The following CHSY1 variants were observed in gnomAD, a reference collection of about 807,000 sequenced individuals.
CHSY1 encodes N-acetylgalactosaminyl-proteoglycan 3-beta-glucuronosyltransferase 1.
Under a neutral mutation model 59.8 loss-of-function variants are expected in CHSY1, and 13 were observed. That is an observed-to-expected ratio of 0.22 (90% confidence interval 0.14 to 0.35). The LOEUF (loss-of-function observed/expected upper bound fraction) is 0.35. CHSY1 is among the 10% of genes least tolerant of loss of function. CHSY1 has a pLI of 1.00. For synonymous variants in CHSY1, 459 were observed against 401.2 expected, an observed-to-expected ratio of 1.14 and a Z score of -1.72; for missense variants, 947 against 1,030.6, an observed-to-expected ratio of 0.92 and a Z score of 1.11.
Position 101,177,737 on chromosome 15 carries a change from A to C in CHSY1, c.2060T>G (p.Phe687Cys), listed in dbSNP as rs767851737. The C allele has an allele frequency of 1.2e-6, 2 of 1,614,216 alleles. No individual in the cohort carries two copies. Among genetic ancestry groups the C allele is most frequent in the South Asian group, 2.2e-5 (2 of 91,088 alleles). Residue 687 changes from phenylalanine to cysteine, a missense_variant, in exon 3 of 3, where the codon TTC becomes TGC. By Grantham distance (205) the Phe-to-Cys change is radical. Around this residue, in one of 4 missense-constraint regions of CHSY1, gnomAD observed 602 missense variants for 676.9 expected, o/e 0.89. Coordinates refer to ENST00000254190, the MANE Select transcript of CHSY1 (RefSeq NM_014918.5). ...NHFAFTQKTG[F>C]WRNYGFGITC... The stretch of plus-strand genomic sequence containing the variant: ...GATGCCAAACCCATAGTTTCTCCAG[A>C]AGCCAGTTTTCTGAGTAAAGGCAAA...
chr15:101,217,861 G>C (rs1023364371), intron 2 of CHSY1, among the ~76,000 whole-genome samples: 1 of 152,186 alleles, frequency 6.6e-6, no homozygotes, highest in East Asian at 1.9e-4. Flanking sequence ...CTGCATATTA[G>C]TGACCTTCTC....
chr15:101,251,256 CCCGCGCGCATCG>C lies in CHSY1; in HGVS notation c.189_200del (p.Asp64_Gly67del). On this transcript the variant is annotated inframe_deletion, in exon 1 of 3. Transcript: ENST00000254190. ...CCGAGCCGGGCGGCCAGAGCTGCGC[CCCGCGCGCATCG>C]CCGCGCGCCCCGCCGGCCTGGGAAG... 1 of 1,403,210 alleles carries C rather than the reference CCCGCGCGCATCG, an allele frequency of 7.1e-7. No individual in the cohort carries two copies. The highest frequency in any genetic ancestry group is 1.5e-5 in the African/African-American group (1 of 67,052). 86.9% of individuals were successfully genotyped at this position (1,403,210 alleles called of 1,614,324 possible).
chr15:101,225,526 C>G (rs557409758), intron 2 of CHSY1, among the ~76,000 whole-genome samples: 16 of 152,236 alleles, frequency 1.1e-4, no homozygotes, highest in Admixed American at 4.6e-4. Context: ...GGGTGGATCC[C>G]TCATGAATGG....
At chr15:101,187,103 T>C (rs1021768604) in intron 2 of CHSY1, among the ~76,000 whole-genome samples, 1 of 152,336 alleles carries the variant, frequency 6.6e-6, no homozygotes. Flanking sequence ...CTCCAACTCC[T>C]CTATAAAATT....
At chr15:101,186,148 A>G (rs2038360297) in intron 2 of CHSY1, among the ~76,000 whole-genome samples, 1 of 99,770 alleles carries the variant, frequency 1.0e-5, no homozygotes, top group African/African-American at 4.9e-5. Flanking sequence ...TGTCTCTACC[A>G]AAAAAAAAAA....
intron 2 of CHSY1, among the ~76,000 whole-genome samples, chr15:101,217,412 G>C (rs2038745307): frequency 6.6e-6 from 1 of 152,184 alleles, no homozygotes; most frequent in African/African-American, 2.4e-5. Context: ...GTCATCTGAG[G>C]GGGCCAAGCA....
intron 1 of CHSY1, among the ~76,000 whole-genome samples, chr15:101,239,188 C>T (rs547158008): frequency 3.9e-5 from 6 of 152,214 alleles, no homozygotes; most frequent in Non-Finnish European, 4.4e-5. Flanking sequence ...ATAGAGGTCA[C>T]TAAATGTGTG....
Position 101,176,086 on chromosome 15 carries a change from G to C in CHSY1, c.*1302C>G, listed in dbSNP as rs1245331888. 2.5e-6 allele frequency: 1 copy of C among 395,554 alleles called. No homozygotes were observed. The highest frequency in any genetic ancestry group is 4.4e-6 in the Non-Finnish European group (1 of 224,780). The allele number at this position is 395,554 out of a possible 1,614,324, so 24.5% of individuals were successfully genotyped here. A position where few individuals can be genotyped will look rare whatever the true frequency, so the allele number is the denominator to read the frequency against. ...AACAGTAAGGAATATAAAAATTAAG[G>C]AGGGGAAAAAGCGTTTCCAAAAGGA... On this transcript the variant is annotated 3_prime_UTR_variant, in exon 3 of 3. Coordinates refer to ENST00000254190, the MANE Select transcript of CHSY1 (RefSeq NM_014918.5).
Position 101,239,905 on chromosome 15 carries a change from C to G in CHSY1, c.321-4328G>C, listed in dbSNP as rs1735543795. Among the ~76,000 whole-genome samples the G allele has an allele frequency of 1.3e-5, 2 of 152,186 alleles. 1 individual carries two copies. The highest frequency in any genetic ancestry group is 4.1e-4 in the South Asian group (2 of 4,832). On this transcript the variant is annotated intron_variant, in intron 1 of 2. Transcript: ENST00000254190. The stretch of plus-strand genomic sequence containing the variant: ...TTCCCGTGTACCCCACCAGGAAGAA[C>G]ACAGTGAAAGAGGCCCCAGCAGTAC...
In CHSY1 at chr15:101,213,867, T is replaced by G. The variant is rs535900472; in HGVS notation, c.816+21215A>C. Among the ~76,000 whole-genome samples, 204 of 152,364 alleles carry G rather than the reference T, an allele frequency of 1.3e-3. 1 individual carries two copies. Among genetic ancestry groups the G allele is most frequent in the African/African-American group, 4.8e-3 (199 of 41,578 alleles). On this transcript the variant is annotated intron_variant, in intron 2 of 2. Transcript: ENST00000254190. ...GACTCGGTGTTTAAGTCTTACTCAA[T>G]CATACCTGAAAAATCACGAGGCTTT... is the stretch of plus-strand genomic sequence containing the variant.
In CHSY1 at chr15:101,214,621, G is replaced by A. The variant is rs556143094; in HGVS notation, c.816+20461C>T. Among the ~76,000 whole-genome samples the A allele has an allele frequency of 1.2e-3, 189 of 152,204 alleles. 2 individuals carry two copies. Among genetic ancestry groups the A allele is most frequent in the African/African-American group, 4.2e-3 (176 of 41,518 alleles). On this transcript the variant is annotated intron_variant, in intron 2 of 2. Transcript: ENST00000254190. ...TCCCTATGTTGGAGGGGGACCTGGTGGGAGGTGGCTGGATCATGGAGGTGG... is the reference window on the plus strand; with the variant it reads ...TCCCTATGTTGGAGGGGGACCTGGTAGGAGGTGGCTGGATCATGGAGGTGG...
intron 2 of CHSY1, among the ~76,000 whole-genome samples, chr15:101,224,478 C>G (rs2038820028): frequency 6.6e-6 from 1 of 152,144 alleles, no homozygotes; most frequent in Admixed American, 6.5e-5. Flanking sequence ...ATCACTAAAT[C>G]ATAAGAAATG....
In CHSY1 at chr15:101,177,465, C is replaced by T; in HGVS notation, c.2332G>A (p.Ala778Thr). The T allele has an allele frequency of 6.2e-7, 1 of 1,612,986 alleles. No homozygotes were observed. The highest frequency in any genetic ancestry group is 2.2e-5 in the East Asian group (1 of 44,878). Residue 778 changes from alanine (A) to threonine (T), a missense_variant, in exon 3 of 3, where the codon GCT becomes ACT. Physicochemically the swap from Ala to Thr is moderately conservative, Grantham distance 58. This residue lies in a region of CHSY1 where 602 missense variants were observed against 676.9 expected (regional missense o/e 0.89). Coordinates refer to ENST00000254190, the MANE Select transcript of CHSY1 (RefSeq NM_014918.5). ...ASTYGSTQQLAEMWLEKNDPS... is the reference protein window; with the variant it reads ...ASTYGSTQQLTEMWLEKNDPS... ...TCATTTTTTTCCAGCCACATCTCAG[C>T]CAGCTGCTGGGTGGACCCATAGGTC...
intron 2 of CHSY1, among the ~76,000 whole-genome samples, chr15:101,180,052 G>A (rs1333705106): frequency 1.3e-5 from 2 of 152,202 alleles, no homozygotes; most frequent in Non-Finnish European, 2.9e-5. Context: ...ACTAACTCTT[G>A]GTAAGGGATG....
chr15:101,178,281 A>G lies in CHSY1; in HGVS notation c.1516T>C (p.Phe506Leu), dbSNP rs747673728. 14 of 1,612,178 alleles carry G rather than the reference A, an allele frequency of 8.7e-6. No individual in the cohort carries two copies. Among genetic ancestry groups the G allele is most frequent in the Non-Finnish European group, 1.2e-5 (14 of 1,178,342 alleles). The change falls in exon 3 of 3, where the codon TTT (phenylalanine) becomes CTT (leucine). Residue 506 changes from phenylalanine (F) to leucine (L), a missense_variant. Phe to Leu is a conservative substitution (Grantham distance 22). Coordinates refer to ENST00000254190, the MANE Select transcript of CHSY1 (RefSeq NM_014918.5). ...AGCTTCTTCAGGGAGTTTGAGAGAA[A>G]GGACAAGGATCCAGATTCCTGATTG... is the stretch of plus-strand genomic sequence containing the variant. ...RINQESGSLS[F>L]LSNSLKKLVP...
chr15:101,177,203 A>T lies in CHSY1; in HGVS notation c.*185T>A, dbSNP rs913889210. 5.4e-6 allele frequency: 3 copies of T among 554,948 alleles called. No homozygotes were observed. Among genetic ancestry groups the T allele is most frequent in the Non-Finnish European group, 9.4e-6 (3 of 320,734 alleles). The allele number at this position is 554,948 out of a possible 1,614,324, so 34.4% of individuals were successfully genotyped here. ...GTCTGCTACATAATGTTCAGCAAGAAGATGTGTTCAAAGGCAAACACTGAT... is the reference window on the plus strand; with the variant it reads ...GTCTGCTACATAATGTTCAGCAAGATGATGTGTTCAAAGGCAAACACTGAT... On this transcript the variant is annotated 3_prime_UTR_variant, in exon 3 of 3. Coordinates refer to ENST00000254190, the MANE Select transcript of CHSY1 (RefSeq NM_014918.5).
At position 101,235,433 on chromosome 15, in the gene CHSY1, G is replaced by A. The variant is rs780196023; in HGVS notation, c.465C>T (p.Tyr155=). The change falls in exon 2 of 3, where the codon TAC becomes TAT. Residue 155 remains tyrosine (Y), a synonymous_variant. Coordinates refer to ENST00000254190, the MANE Select transcript of CHSY1 (RefSeq NM_014918.5). ...PQKKSFMMLK[Y]MHDHYLDKYE... Reference sequence around the variant, plus strand: ...ACTTGTCCAAGTAGTGGTCGTGCATGTACTTGAGCATCATGAAGGACTTCT... The same window carrying A: ...ACTTGTCCAAGTAGTGGTCGTGCATATACTTGAGCATCATGAAGGACTTCT... The A allele has an allele frequency of 6.8e-6, 11 of 1,614,048 alleles. No homozygotes were observed. Among genetic ancestry groups the A allele is most frequent in the Admixed American group, 3.3e-5 (2 of 59,996 alleles).
rs2039108667 is a variant in CHSY1 at position 101,251,299 on chromosome 15, G to A, written c.158C>T (p.Ala53Val). 1 of 1,199,722 alleles carries A rather than the reference G, an allele frequency of 8.3e-7. No homozygotes were observed. Among genetic ancestry groups the A allele is most frequent in the Non-Finnish European group, 1.0e-6 (1 of 969,734 alleles). The allele number at this position is 1,199,722 out of a possible 1,614,324, so 74.3% of individuals were successfully genotyped here. A position where few individuals can be genotyped will look rare whatever the true frequency, so the allele number is the denominator to read the frequency against. ...ASPEGCRSGQ[A>V]AASQAGGARG... Reference sequence around the variant, plus strand: ...CGCCCCGCCGGCCTGGGAAGCCGCCGCCTGCCCGGACCGGCAGCCCTCGGG... The same window carrying A: ...CGCCCCGCCGGCCTGGGAAGCCGCCACCTGCCCGGACCGGCAGCCCTCGGG... Residue 53 changes from alanine to valine, a missense_variant, in exon 1 of 3, where the codon GCG (alanine) becomes GTG (valine). Physicochemically the swap from Ala to Val is moderately conservative, Grantham distance 64. Around this residue, in one of 4 missense-constraint regions of CHSY1, gnomAD observed 232 missense variants for 188.5 expected, o/e 1.23. Coordinates refer to ENST00000254190, the MANE Select transcript of CHSY1 (RefSeq NM_014918.5).
chr15:101,192,003 T>A (rs2038451525), intron 2 of CHSY1, among the ~76,000 whole-genome samples: 2 of 152,214 alleles, frequency 1.3e-5, no homozygotes, highest in African/African-American at 4.8e-5. Flanking sequence ...AATTAATAAT[T>A]AACAATGAGT....
Sources: gnomAD v4.1 joint callset for allele counts (sites outside exome capture counted in the v4.1 genomes callset) on GRCh38, gnomAD v4.1.1 for gene constraint, gnomAD v4.1.1 regional missense constraint, MANE v1.5 for transcripts, NCBI Gene and HGNC (gene_info 2026-07-23, HGNC 2026-07-21) for gene names.